Variants in ACACB observed in about 807,000 individuals in gnomAD.
The protein encoded by ACACB is acetyl-CoA carboxylase 2.
ACACB carries 209 observed loss-of-function variants against 278.8 expected under a neutral mutation model. That is an observed-to-expected ratio of 0.75 (90% CI 0.67 to 0.84). The LOEUF (loss-of-function observed/expected upper bound fraction) is 0.84. Among genes scored for constraint, ACACB ranks in the 40% least tolerant of loss-of-function variants. ACACB has a pLI of 0.00. For missense variants in ACACB, 2,850 were observed against 3,269.0 expected (o/e 0.87, Z 3.13); for synonymous variants, 1,174 against 1,285.6 (o/e 0.91, Z 1.86).
rs754519105 is a variant in ACACB at position 109,188,173 on chromosome 12, CCTTCCTTCCTT to C, written c.2144+13_2144+23del. 1.5e-4 allele frequency: 6 copies of C among 40,296 alleles called. No individual in the cohort carries two copies. The highest frequency in any genetic ancestry group is 3.5e-4 in the Non-Finnish European group (6 of 17,286). 2.5% of individuals were successfully genotyped at this position (40,296 alleles called of 1,614,324 possible). On this transcript the variant is annotated intron_variant, in intron 13 of 52. Transcript: ENST00000338432. ...GGAAGAGGCCATTTCGTCAGTATCTCCTTCCTTCCTTCCTTCCTTCCTTCCTTCCTTCCTTC... is the reference window on the plus strand; with the variant it reads ...GGAAGAGGCCATTTCGTCAGTATCTCCCTTCCTTCCTTCCTTCCTTCCTTC...
chr12:109,174,301 A>G, intron 7 of ACACB, 71 bp downstream of exon 7: 1 of 1,208,676 alleles, frequency 8.3e-7, no homozygotes, highest in Non-Finnish European at 1.2e-6. Context: ...GGTCAGGGTG[A>G]CAGAAGTATG....
intron 28 of ACACB, among the ~76,000 whole-genome samples, chr12:109,231,691 C>T (rs1274896393): frequency 6.6e-6 from 1 of 152,180 alleles, no homozygotes; most frequent in Non-Finnish European, 1.5e-5. Flanking sequence ...TTAGCCAAGG[C>T]AGAAGGCATC....
intron 45 of ACACB, among the ~76,000 whole-genome samples, chr12:109,256,709 T>C (rs1389207227): frequency 1.3e-5 from 2 of 152,142 alleles, no homozygotes; most frequent in African/African-American, 4.8e-5. Flanking sequence ...CTCCTTATAA[T>C]GAGCCCCGAG....
At chr12:109,228,033 CA>C (rs1444511686) in intron 28 of ACACB, among the ~76,000 whole-genome samples, 3,392 of 71,896 alleles carry the variant, frequency 0.047, 118 homozygotes, top group African/African-American at 0.13. Flanking sequence ...GACTCCGTCT[CA>C]AAAAAAAAAA....
In ACACB at chr12:109,213,645, A is replaced by T. The variant is rs569597261; in HGVS notation, c.3350+709A>T. Among the ~76,000 whole-genome samples, 83 of 151,934 alleles carry T rather than the reference A, an allele frequency of 5.5e-4. 1 individual carries two copies. In the South Asian group the frequency reaches 0.017, roughly 32 times the overall value. On this transcript the variant is annotated intron_variant, in intron 22 of 52. Coordinates refer to ENST00000338432, the MANE Select transcript of ACACB (RefSeq NM_001093.4). ...AGTTTCGCTCTGTCGGCCAGGCTGG[A>T]GTGTAATGGTTCGATCTTGGCTCAC... is the stretch of plus-strand genomic sequence containing the variant.
At chr12:109,167,049 C>A in intron 3 of ACACB, 56 bp downstream of exon 3, 19 of 1,608,624 alleles carry the variant, frequency 1.2e-5, no homozygotes, top group Non-Finnish European at 1.6e-5. Context: ...AGGGGCCCCT[C>A]CTCTCAGCTG....
intron 2 of ACACB, among the ~76,000 whole-genome samples, chr12:109,166,401 C>A (rs1351237760): frequency 6.6e-6 from 1 of 151,968 alleles, no homozygotes; most frequent in African/African-American, 2.4e-5. Context: ...TCTTAAGGTG[C>A]TTTCAGTTGG....
chr12:109,180,150 T>TCCC lies in ACACB; in HGVS notation c.1818+64_1818+66dup, dbSNP rs1365471168. On this transcript the variant is annotated intron_variant, in intron 11 of 52. Coordinates refer to ENST00000338432, the MANE Select transcript of ACACB (RefSeq NM_001093.4). ...CCTGGGTCAGGGGTCCATGTGCTGC[T>TCCC]CCCATTAGTCCATCCCGCCCATCTC... The TCCC allele has an allele frequency of 2.6e-6, 4 of 1,530,018 alleles. No individual in the cohort carries two copies. In the African/African-American group the frequency reaches 5.5e-5, roughly 21 times the overall value. 94.8% of individuals were successfully genotyped at this position (1,530,018 alleles called of 1,614,324 possible).
At chr12:109,169,523 A>T (rs968465538) in intron 4 of ACACB, among the ~76,000 whole-genome samples, 2 of 152,060 alleles carry the variant, frequency 1.3e-5, no homozygotes, top group African/African-American at 4.8e-5. Flanking sequence ...TCCTGGCTCC[A>T]TCTTGAACCT....
intron 39 of ACACB, 81 bp downstream of exon 39, chr12:109,246,529 A>G: frequency 1.3e-6 from 2 of 1,530,692 alleles, no homozygotes; most frequent in Non-Finnish European, 1.8e-6. Context: ...CACCTGCAAG[A>G]GGTGAAAAAA....
At chr12:109,125,004 G>C (rs1221525137) in intron 1 of ACACB, among the ~76,000 whole-genome samples, 3 of 152,156 alleles carry the variant, frequency 2.0e-5, no homozygotes, top group African/African-American at 7.2e-5. Context: ...ATGAGCCACT[G>C]TGCCCGGCCC....
intron 34 of ACACB, among the ~76,000 whole-genome samples, chr12:109,238,431 A>G (rs1008254466): frequency 7.5e-6 from 1 of 133,378 alleles, no homozygotes; most frequent in African/African-American, 2.8e-5. Flanking sequence ...TATATAATAT[A>G]TTATATAATA....
At position 109,163,998 on chromosome 12, in the gene ACACB, T is replaced by C. The variant is rs149363030; in HGVS notation, c.654-2863T>C. 7.9e-5 allele frequency among the ~76,000 whole-genome samples: 12 copies of C among 152,282 alleles called. No homozygotes were observed. The East Asian group carries it at 1.9e-3, about 24-fold the overall frequency. ...AATTCCCAGGATGGAAGTTTCCAGATTGAGAGGGCCTGAGAGATGTGCAGC... is the reference window on the plus strand; with the variant it reads ...AATTCCCAGGATGGAAGTTTCCAGACTGAGAGGGCCTGAGAGATGTGCAGC... On this transcript the variant is annotated intron_variant, in intron 2 of 52. Coordinates refer to ENST00000338432, the MANE Select transcript of ACACB (RefSeq NM_001093.4).
At chr12:109,207,705 G>A (rs2045563027) in intron 20 of ACACB, among the ~76,000 whole-genome samples, 2 of 152,180 alleles carry the variant, frequency 1.3e-5, no homozygotes, top group South Asian at 4.1e-4. Context: ...TTGAGAGGGA[G>A]CCTTGCTCTG....
intron 12 of ACACB, 143 bp downstream of exon 12, chr12:109,185,883 A>G: frequency 1.4e-6 from 1 of 705,900 alleles, no homozygotes; most frequent in South Asian, 2.4e-5. Context: ...ATGGGAAGGG[A>G]CATCCCATGG....
chr12:109,263,886 C>T lies in ACACB; in HGVS notation c.6788-346C>T, dbSNP rs530255817. 1.2e-4 allele frequency: 25 copies of T among 201,158 alleles called. No individual in the cohort carries two copies. The East Asian group carries it at 2.3e-3, about 18-fold the overall frequency. 12.5% of individuals were successfully genotyped at this position (201,158 alleles called of 1,614,324 possible). A position where few individuals can be genotyped will look rare whatever the true frequency, so the allele number is the denominator to read the frequency against. ...TCATTGATATAGTATCCTACAAGCA[C>T]GATGGGTCTGATGGAAGGGGAAAAT... On this transcript the variant is annotated intron_variant, in intron 49 of 52. Coordinates refer to ENST00000338432, the MANE Select transcript of ACACB (RefSeq NM_001093.4).
chr12:109,266,476 G>C lies in ACACB; in HGVS notation c.*114G>C. 1 of 1,333,992 alleles carries C rather than the reference G, an allele frequency of 7.5e-7. No individual in the cohort carries two copies. The highest frequency in any genetic ancestry group is 9.9e-7 in the Non-Finnish European group (1 of 1,013,544). 82.6% of individuals were successfully genotyped at this position (1,333,992 alleles called of 1,614,324 possible). ...TGCTTTTAAACAAAGAAAATCCTGG[G>C]CACTTCTGCAGGGCTGCTGGTTCCG... On this transcript the variant is annotated 3_prime_UTR_variant, in exon 53 of 53. Coordinates refer to ENST00000338432, the MANE Select transcript of ACACB (RefSeq NM_001093.4).
Position 109,236,875 on chromosome 12 carries a change from T to G in ACACB, c.4447-290T>G, listed in dbSNP as rs1002428488. Among the ~76,000 whole-genome samples the G allele has an allele frequency of 1.1e-4, 16 of 151,928 alleles. No individual in the cohort carries two copies. In the East Asian group the frequency reaches 2.9e-3, roughly 28 times the overall value. Reference sequence around the variant, plus strand: ...CTGTGACAGATGGAGAACAGCCTGGTCACGCTGGCAGGTGATAGGGACTAG... The same window carrying G: ...CTGTGACAGATGGAGAACAGCCTGGGCACGCTGGCAGGTGATAGGGACTAG... On this transcript the variant is annotated intron_variant, in intron 33 of 52. Transcript: ENST00000338432.
In ACACB at chr12:109,237,334, G is replaced by C; in HGVS notation, c.4616G>C (p.Arg1539Thr). The C allele has an allele frequency of 1.2e-6, 2 of 1,614,178 alleles. No homozygotes were observed. The highest frequency in any genetic ancestry group is 1.7e-6 in the Non-Finnish European group (2 of 1,180,042). ...VKEGVEVTDH[R>T]FFIRAIIRHS... ...GAAGGTGTGGAAGTGACGGACCATA[G>C]GTTCTTCATCCGCGCCATCATCAGG... Residue 1539 changes from arginine to threonine, a missense_variant, in exon 34 of 53, where the codon AGG becomes ACG. Arg to Thr is a moderately conservative substitution (Grantham distance 71). Coordinates refer to ENST00000338432, the MANE Select transcript of ACACB (RefSeq NM_001093.4).
Sources: gnomAD v4.1 joint callset for allele counts (sites outside exome capture counted in the v4.1 genomes callset) on GRCh38, gnomAD v4.1.1 for gene constraint, MANE v1.5 for transcripts, NCBI Gene and HGNC (gene_info 2026-07-23, HGNC 2026-07-21) for gene names.